IRF2: variants seen among roughly 807,000 people sequenced by gnomAD.
The protein encoded by IRF2 is interferon regulatory factor 2.
A neutral mutation model predicts 40.6 loss-of-function variants in IRF2; 15 were observed. That is an observed-to-expected ratio of 0.37 (90% CI 0.25 to 0.57). IRF2 has a LOEUF of 0.57. Ranked by LOEUF, IRF2 falls within the 20% of genes least tolerant of loss-of-function variation. IRF2 has a pLI of 0.77. For synonymous variants in IRF2, 151 were observed against 165.5 expected (o/e 0.91, Z 0.67); for missense variants, 317 against 455.7 (o/e 0.70, Z 2.77).
At position 184,454,315 on chromosome 4, in the gene IRF2, A is replaced by T. The variant is rs557547072; in HGVS notation, c.-7+20064T>A. ...TAATTATTATGGAGACATCCAATTTAACTCTTTATGTTCAAATCTGGTCAA... is the reference window on the plus strand; with the variant it reads ...TAATTATTATGGAGACATCCAATTTTACTCTTTATGTTCAAATCTGGTCAA... On this transcript the variant is annotated intron_variant, in intron 1 of 8. Transcript: ENST00000393593. 4.6e-5 allele frequency among the ~76,000 whole-genome samples: 7 copies of T among 152,298 alleles called. No individual in the cohort carries two copies. In the South Asian group the frequency reaches 1.4e-3, roughly 32 times the overall value.
intron 1 of IRF2, among the ~76,000 whole-genome samples, chr4:184,470,636 G>A (rs1330270045): frequency 4.7e-5 from 7 of 150,052 alleles, no homozygotes. Context: ...GTTGCGGTGA[G>A]CTGAAAGTGT....
intron 8 of IRF2, among the ~76,000 whole-genome samples, chr4:184,389,920 G>A (rs748673212): frequency 4.6e-5 from 7 of 152,206 alleles, no homozygotes; most frequent in Admixed American, 1.3e-4. Context: ...AGCAAGCAGC[G>A]GCCTCAGGGC....
chr4:184,456,492 TG>T (rs576612845), intron 1 of IRF2, among the ~76,000 whole-genome samples: 53 of 152,242 alleles, frequency 3.5e-4, no homozygotes, highest in Non-Finnish European at 7.1e-4. Flanking sequence ...GAGAAACTGC[TG>T]GAAGGTTTCC....
intron 1 of IRF2, among the ~76,000 whole-genome samples, chr4:184,463,362 A>T (rs1291007732): frequency 6.6e-6 from 1 of 152,234 alleles, no homozygotes; most frequent in Non-Finnish European, 1.5e-5. Context: ...GCCACCAGCC[A>T]CATGGGTCTA....
rs1404972433 is a variant in IRF2 at position 184,413,462 on chromosome 4, A to G, written c.411+4705T>C. Among the ~76,000 whole-genome samples, 2 of 152,198 alleles carry G rather than the reference A, an allele frequency of 1.3e-5. No individual in the cohort carries two copies. The highest frequency in any genetic ancestry group is 4.8e-5 in the African/African-American group (2 of 41,440). On this transcript the variant is annotated intron_variant, in intron 5 of 8. Transcript: ENST00000393593. The surrounding 1 kb of genome is among the most constrained non-coding windows in gnomAD (Gnocchi z 4.2). ...TGCTGGTGTGTGCTTTCATTTGATT[A>G]AAGTTTAAAAACTGAAGACCTCTTC... is the stretch of plus-strand genomic sequence containing the variant.
chr4:184,419,765 G>A (rs1451126992), intron 2 of IRF2, among the ~76,000 whole-genome samples, 197 bp from the exon 3 acceptor site: 1 of 152,164 alleles, frequency 6.6e-6, no homozygotes, highest in Non-Finnish European at 1.5e-5. Context: ...ACTACCCCGA[G>A]TGACAGTCAG....
In IRF2 at chr4:184,408,817, T is replaced by TTGGA. The variant is rs1736964797; in HGVS notation, c.412-546_412-543dup. Among the ~76,000 whole-genome samples, 1 of 152,216 alleles carries TTGGA rather than the reference T, an allele frequency of 6.6e-6. No individual in the cohort carries two copies. On this transcript the variant is annotated intron_variant, in intron 5 of 8. Coordinates refer to ENST00000393593, the MANE Select transcript of IRF2 (RefSeq NM_002199.4). The surrounding 1 kb of genome is among the most constrained non-coding windows in gnomAD (Gnocchi z 4.9). ...GCCTCTGGCCACCTGAGGCCCTGCATTGGATGGCTGGCTGATCACCCTGGC... is the reference window on the plus strand; with the variant it reads ...GCCTCTGGCCACCTGAGGCCCTGCATTGGATGGATGGCTGGCTGATCACCCTGGC...
intron 2 of IRF2, among the ~76,000 whole-genome samples, chr4:184,421,568 G>C (rs574796266): frequency 1.3e-5 from 2 of 152,174 alleles, no homozygotes; most frequent in East Asian, 3.9e-4. Flanking sequence ...AGAATCTAAA[G>C]CTTTATGCTT....
intron 1 of IRF2, among the ~76,000 whole-genome samples, chr4:184,429,933 C>A (rs1054427676): frequency 2.6e-5 from 4 of 152,170 alleles, no homozygotes; most frequent in Non-Finnish European, 5.9e-5. Flanking sequence ...CACTGTCCCC[C>A]ACTCATCTTC....
rs1269965457 is a variant in IRF2, at chr4:184,413,670, T to C, written c.411+4497A>G. On this transcript the variant is annotated intron_variant, in intron 5 of 8. Transcript: ENST00000393593. The surrounding 1 kb of genome is among the most constrained non-coding windows in gnomAD (Gnocchi z 4.2). The stretch of plus-strand genomic sequence containing the variant: ...AACGAATACAGACCAGGCCTAATCT[T>C]TTCCAAGCGACTTTGGCAGCCCTTC... 6.6e-6 allele frequency among the ~76,000 whole-genome samples: 1 copy of C among 152,222 alleles called. No individual in the cohort carries two copies. Among genetic ancestry groups the C allele is most frequent in the Non-Finnish European group, 1.5e-5 (1 of 68,040 alleles).
chr4:184,411,600 C>A (rs1358508723), intron 5 of IRF2, among the ~76,000 whole-genome samples: 1 of 152,072 alleles, frequency 6.6e-6, no homozygotes, highest in Non-Finnish European at 1.5e-5. Context: ...TCCCGAAACA[C>A]CTCCATCCAG....
intron 7 of IRF2, among the ~76,000 whole-genome samples, chr4:184,398,665 A>AT (rs1171274632): frequency 3.3e-5 from 5 of 150,366 alleles, no homozygotes; most frequent in South Asian, 2.1e-4. Flanking sequence ...CAAAAAAAAA[A>AT]AAAATAAATA....
intron 6 of IRF2, among the ~76,000 whole-genome samples, chr4:184,405,112 C>T (rs552207056): frequency 6.0e-4 from 92 of 152,256 alleles, no homozygotes; most frequent in African/African-American, 2.1e-3. Flanking sequence ...GGCATGGTGG[C>T]GCATCCCTGT....
At chr4:184,407,902 C>T (rs192017072) in intron 6 of IRF2, among the ~76,000 whole-genome samples, 12 of 152,268 alleles carry the variant, frequency 7.9e-5, no homozygotes, top group Admixed American at 5.2e-4. Flanking sequence ...AGCCACGAGC[C>T]GCCGGGAAAC....
intron 1 of IRF2, among the ~76,000 whole-genome samples, chr4:184,457,006 A>C (rs793806): frequency 0.65 from 99,232 of 152,148 alleles, 32,540 homozygotes; most frequent in Admixed American, 0.7. Context: ...GGGCCTCGGC[A>C]CCTGATGGCC....
At chr4:184,405,238 G>A (rs558347246) in intron 6 of IRF2, among the ~76,000 whole-genome samples, 1 of 152,146 alleles carries the variant, frequency 6.6e-6, no homozygotes, top group East Asian at 1.9e-4. Flanking sequence ...AGTGAAACTC[G>A]GTCTCAAAAA....
At chr4:184,468,055 C>T (rs1739390049) in intron 1 of IRF2, among the ~76,000 whole-genome samples, 1 of 152,186 alleles carries the variant, frequency 6.6e-6, no homozygotes, top group African/African-American at 2.4e-5. Context: ...TCTTGCTTAT[C>T]AGAAGGGAAT....
At chr4:184,419,922 T>C (rs1321639671) in intron 2 of IRF2, among the ~76,000 whole-genome samples, 3 of 152,178 alleles carry the variant, frequency 2.0e-5, no homozygotes, top group Non-Finnish European at 2.9e-5. Context: ...GGCTGCAGTG[T>C]AGTGGCGCGA....
rs773809081 is a variant in IRF2, at chr4:184,408,319, C to G, written c.412-44G>C. On this transcript the variant is annotated intron_variant, in intron 5 of 8. Transcript: ENST00000393593. The surrounding 1 kb of genome is among the most constrained non-coding windows in gnomAD (Gnocchi z 4.9). ...AAAAGAATTGAGAACACTTCCTTTC[C>G]CCTCCCTTCTCTTAGCTGAAATTCT... The G allele has an allele frequency of 8.4e-7, 1 of 1,193,064 alleles. No individual in the cohort carries two copies. The highest frequency in any genetic ancestry group is 1.3e-6 in the Non-Finnish European group (1 of 799,304). 73.9% of individuals were successfully genotyped at this position (1,193,064 alleles called of 1,614,324 possible). A position where few individuals can be genotyped will look rare whatever the true frequency, so the allele number is the denominator to read the frequency against.
Sources: allele counts gnomAD v4.1 joint callset (sites outside exome capture counted in the v4.1 genomes callset), GRCh38; gene constraint gnomAD v4.1.1; non-coding constraint Gnocchi (gnomAD v3.1); transcripts MANE v1.5; gene names NCBI Gene and HGNC (gene_info 2026-07-23, HGNC 2026-07-21).